Variants in KBTBD3 observed in about 807,000 individuals in gnomAD.
The protein encoded by KBTBD3 is kelch repeat and BTB domain containing 3, also known as kelch repeat and BTB domain-containing protein 3.
A neutral mutation model predicts 49.6 loss-of-function variants in KBTBD3; 38 were observed. The ratio of observed to expected loss-of-function variants is 0.77; its 90% CI spans 0.59 to 1.00. The LOEUF (loss-of-function observed/expected upper bound fraction) is 1.00. Ranked by LOEUF, KBTBD3 falls within the 50% of genes least tolerant of loss-of-function variation. The probability of loss-of-function intolerance (pLI) is 0.00; values close to 1 mark genes in which losing one functional copy is unlikely to be tolerated. For synonymous variants in KBTBD3, 214 were observed against 250.4 expected, an observed-to-expected ratio of 0.85 and a Z score of 1.37; for missense variants, 661 against 712.0, an observed-to-expected ratio of 0.93 and a Z score of 0.81.
Position 106,051,293 on chromosome 11 carries a change from A to T in KBTBD3, c.*1557T>A, listed in dbSNP as rs1000572140. 6.6e-6 allele frequency: 1 copy of T among 151,942 alleles called. No individual in the cohort carries two copies. The highest frequency in any genetic ancestry group is 1.5e-5 in the Non-Finnish European group (1 of 67,874). The allele number at this position is 151,942 out of a possible 1,614,324, so 9.4% of individuals were successfully genotyped here. A position where few individuals can be genotyped will look rare whatever the true frequency, so the allele number is the denominator to read the frequency against. ...TTCAAATACACAAAGTTCAGAGCCA[A>T]CTACTCATGTGCTTAGATAAGAAGG... On this transcript the variant is annotated 3_prime_UTR_variant, in exon 4 of 4. Coordinates refer to ENST00000531837, the MANE Select transcript of KBTBD3 (RefSeq NM_198439.3).
At chr11:106,071,924 T>C (rs1010022577) in intron 2 of KBTBD3, among the ~76,000 whole-genome samples, 2 of 152,180 alleles carry the variant, frequency 1.3e-5, no homozygotes, top group African/African-American at 2.4e-5. Context: ...TATTAACAGT[T>C]AAACAATTCT....
intron 2 of KBTBD3, among the ~76,000 whole-genome samples, chr11:106,074,568 TCA>T (rs1860992498): frequency 6.6e-6 from 1 of 152,204 alleles, no homozygotes; most frequent in Admixed American, 6.5e-5. Flanking sequence ...CCTCTCCTTC[TCA>T]GTCTAATTAG....
At chr11:106,060,485 G>A (rs958987886) in intron 2 of KBTBD3, among the ~76,000 whole-genome samples, 1 of 151,910 alleles carries the variant, frequency 6.6e-6, no homozygotes, top group African/African-American at 2.4e-5. Flanking sequence ...TACCATGTGG[G>A]CACACATTTA....
chr11:106,066,380 A>G (rs1860811373), intron 2 of KBTBD3, among the ~76,000 whole-genome samples: 2 of 152,208 alleles, frequency 1.3e-5, no homozygotes, highest in Non-Finnish European at 2.9e-5. Context: ...ATCCTTTAAG[A>G]TTGGTATTAA....
At chr11:106,058,652 G>A in intron 3 of KBTBD3, 1 of 489,158 alleles carries the variant, frequency 2.0e-6, no homozygotes, top group South Asian at 2.8e-5. Context: ...TTGAAGTCCT[G>A]ACCTCAGGTG....
In KBTBD3 at chr11:106,053,917, C is replaced by A. The variant is rs1412373672; in HGVS notation, c.772G>T (p.Glu258Ter). Residue 258 changes from glutamate (E) to a stop codon, truncating the protein, a stop_gained, in exon 4 of 4, where the codon GAA becomes TAA. Transcript: ENST00000531837. LOFTEE classifies it high-confidence loss of function. ...EETLQDCLFNEESLLKSTNCF... is the reference protein window; with the variant it reads ...EETLQDCLFN The stretch of plus-strand genomic sequence containing the variant: ...TTTGTGCTTTTGAGTAAACTCTCTT[C>A]ATTGAACAGACAGTCCTGAAGTGTC... 1.9e-6 allele frequency: 3 copies of A among 1,613,824 alleles called. No homozygotes were observed. The African/African-American group carries it at 4.0e-5, about 22-fold the overall frequency.
At chr11:106,073,895 T>C (rs920618727) in intron 2 of KBTBD3, among the ~76,000 whole-genome samples, 2 of 152,216 alleles carry the variant, frequency 1.3e-5, no homozygotes, top group African/African-American at 4.8e-5. Context: ...TGACATGACA[T>C]CATTTTTTTA....
intron 2 of KBTBD3, among the ~76,000 whole-genome samples, chr11:106,075,248 A>G (rs1861004536): frequency 6.6e-6 from 1 of 152,214 alleles, no homozygotes; most frequent in Non-Finnish European, 1.5e-5. Flanking sequence ...ATATTTTAAT[A>G]AAATTGTTGG....
chr11:106,053,428 G>C lies in KBTBD3; in HGVS notation c.1261C>G (p.Leu421Val). The C allele has an allele frequency of 1.2e-6, 2 of 1,613,496 alleles. No homozygotes were observed. The highest frequency in any genetic ancestry group is 2.2e-5 in the South Asian group (2 of 91,064). The change falls in exon 4 of 4, where the codon CTC becomes GTC. Residue 421 changes from leucine to valine, a missense_variant. Leu to Val is a conservative substitution (Grantham distance 32). Coordinates refer to ENST00000531837, the MANE Select transcript of KBTBD3 (RefSeq NM_198439.3). ...GGATTGTAAGATTCAACATCTAAGA[G>C]ACTTTTAATGTCCCGGGATCCTCTA... ...KTRGSRDIKS[L>V]LDVESYNPLS... is the part of the protein sequence containing the mutation.
rs775784814 is a variant in KBTBD3 at position 106,052,842 on chromosome 11, T to A, written c.*8A>T. On this transcript the variant is annotated 3_prime_UTR_variant, in exon 4 of 4. Transcript: ENST00000531837. ...TAGGTTACTAGAACTGGACTCGTTT[T>A]AGAATGTTCAAGCACATAGATTAGA... 2 of 1,596,108 alleles carry A rather than the reference T, an allele frequency of 1.3e-6. No individual in the cohort carries two copies. The highest frequency in any genetic ancestry group is 2.3e-5 in the South Asian group (2 of 88,088).
At chr11:106,067,194 A>G (rs1217444669) in intron 2 of KBTBD3, among the ~76,000 whole-genome samples, 1 of 152,182 alleles carries the variant, frequency 6.6e-6, no homozygotes, top group East Asian at 1.9e-4. Flanking sequence ...TACCCACCCA[A>G]GCCTGCAAAG....
At chr11:106,063,468 G>A (rs113896134) in intron 2 of KBTBD3, among the ~76,000 whole-genome samples, 50 of 152,094 alleles carry the variant, frequency 3.3e-4, no homozygotes, top group African/African-American at 1.0e-3. Flanking sequence ...TTAACAATGC[G>A]AAATGAAAGA....
At chr11:106,067,678 C>A (rs899297595) in intron 2 of KBTBD3, among the ~76,000 whole-genome samples, 3 of 149,694 alleles carry the variant, frequency 2.0e-5, no homozygotes, top group Non-Finnish European at 3.0e-5. Context: ...AAATTAAATT[C>A]TAAAAAAAGT....
chr11:106,063,716 T>C (rs61561310), intron 2 of KBTBD3, among the ~76,000 whole-genome samples: 1,780 of 152,124 alleles, frequency 0.012, 37 homozygotes, highest in African/African-American at 0.04. Flanking sequence ...GCAGATCACA[T>C]GGTCAAGAGA....
chr11:106,052,802 T>C lies in KBTBD3; in HGVS notation c.*48A>G. 1 of 1,464,444 alleles carries C rather than the reference T, an allele frequency of 6.8e-7. No individual in the cohort carries two copies. The highest frequency in any genetic ancestry group is 9.3e-7 in the Non-Finnish European group (1 of 1,077,930). The allele number at this position is 1,464,444 out of a possible 1,614,324, so 90.7% of individuals were successfully genotyped here. ...TAGATCTTTTTACCTATCATTTTGG[T>C]TAACAAATTTACTTTAGGTTACTAG... On this transcript the variant is annotated 3_prime_UTR_variant, in exon 4 of 4. Transcript: ENST00000531837.
At chr11:106,073,574 C>T (rs1860965864) in intron 2 of KBTBD3, among the ~76,000 whole-genome samples, 3 of 152,170 alleles carry the variant, frequency 2.0e-5, no homozygotes, top group African/African-American at 7.2e-5. Context: ...CAGTTTGGCT[C>T]AAGAGCCCTT....
chr11:106,061,903 T>C (rs558618433), intron 2 of KBTBD3, among the ~76,000 whole-genome samples: 1 of 152,264 alleles, frequency 6.6e-6, no homozygotes, highest in Non-Finnish European at 1.5e-5. Flanking sequence ...AGTTCTGTTT[T>C]TCTGAATAAG....
intron 3 of KBTBD3, among the ~76,000 whole-genome samples, chr11:106,056,444 G>A (rs1860554875): frequency 6.6e-6 from 1 of 152,152 alleles, no homozygotes; most frequent in Non-Finnish European, 1.5e-5. Flanking sequence ...CAAGAAGAGT[G>A]CAGGTCCATA....
At chr11:106,057,850 C>A (rs779214955) in intron 3 of KBTBD3, 1 of 376,100 alleles carries the variant, frequency 2.7e-6, no homozygotes, top group Non-Finnish European at 4.7e-6. Context: ...CAACACAGGA[C>A]GGAAATTTTC....
Sources: gnomAD v4.1 joint callset for allele counts (sites outside exome capture counted in the v4.1 genomes callset) on GRCh38, gnomAD v4.1.1 for gene constraint, MANE v1.5 for transcripts, NCBI Gene and HGNC (gene_info 2026-07-23, HGNC 2026-07-21) for gene names.